Variants in CMIP observed in about 807,000 individuals in gnomAD.
CMIP encodes c-Maf inducing protein, also known as C-Maf-inducing protein.
Under a neutral mutation model 97.3 loss-of-function variants are expected in CMIP, and 13 were observed. The observed-to-expected ratio is 0.13, with a 90% CI of 0.09 to 0.21. The LOEUF is 0.21. Among genes scored for constraint, CMIP ranks in the 10% least tolerant of loss-of-function variants. The pLI is 1.00. For missense variants in CMIP, 847 were observed against 1,024.9 expected, an observed-to-expected ratio of 0.83 and a Z score of 2.37; for synonymous variants, 538 against 436.3, an observed-to-expected ratio of 1.23 and a Z score of -2.91.
intron 3 of CMIP, among the ~76,000 whole-genome samples, chr16:81,629,534 C>G (rs1419662401): frequency 6.6e-6 from 1 of 152,212 alleles, no homozygotes; most frequent in East Asian, 1.9e-4. Flanking sequence ...CGTCTAACCC[C>G]GTCTTGGCCA....
At chr16:81,535,563 C>G (rs2090326831) in intron 1 of CMIP, among the ~76,000 whole-genome samples, 1 of 150,812 alleles carries the variant, frequency 6.6e-6, no homozygotes, top group African/African-American at 2.4e-5. Context: ...AGAATGAGAT[C>G]AGACACGTGA....
chr16:81,689,874 G>T (rs1025529511), intron 10 of CMIP, among the ~76,000 whole-genome samples: 1 of 152,130 alleles, frequency 6.6e-6, no homozygotes, highest in Non-Finnish European at 1.5e-5. Flanking sequence ...TCTACATATG[G>T]CTAGCCAGTT....
At chr16:81,708,275 G>T (rs1030561809) in intron 20 of CMIP, among the ~76,000 whole-genome samples, 4 of 152,232 alleles carry the variant, frequency 2.6e-5, no homozygotes, top group Non-Finnish European at 5.9e-5. Flanking sequence ...AGCCCTCAGG[G>T]TGGCGTCTGC....
At position 81,567,165 on chromosome 16, in the gene CMIP, T is replaced by C. The variant is rs565835436; in HGVS notation, c.301-40402T>C. On this transcript the variant is annotated intron_variant, in intron 1 of 20. Transcript: ENST00000537098. ...GATGCTCACTGGGTCTTCGGAGCCATGTGTCCGGCTGGGAGGAATTCCCAC... is the reference window on the plus strand; with the variant it reads ...GATGCTCACTGGGTCTTCGGAGCCACGTGTCCGGCTGGGAGGAATTCCCAC... Among the ~76,000 whole-genome samples, 7 of 152,368 alleles carry C rather than the reference T, an allele frequency of 4.6e-5. No individual in the cohort carries two copies. In the East Asian group the frequency reaches 1.3e-3, roughly 29 times the overall value.
At chr16:81,570,587 C>T (rs2091070277) in intron 1 of CMIP, among the ~76,000 whole-genome samples, 1 of 152,152 alleles carries the variant, frequency 6.6e-6, no homozygotes, top group Non-Finnish European at 1.5e-5. Context: ...TTGAGAGTCT[C>T]CAGACTGATC....
intron 5 of CMIP, among the ~76,000 whole-genome samples, chr16:81,658,645 A>T (rs556620592): frequency 6.6e-6 from 1 of 152,400 alleles, no homozygotes; most frequent in South Asian, 2.1e-4. Context: ...GTGCAAGAGC[A>T]CAAAGATTTA....
In CMIP at chr16:81,606,335, C is replaced by T. The variant is rs563209817; in HGVS notation, c.301-1232C>T. Among the ~76,000 whole-genome samples the T allele has an allele frequency of 2.6e-4, 39 of 152,278 alleles. No homozygotes were observed. The East Asian group carries it at 7.3e-3, about 29-fold the overall frequency. On this transcript the variant is annotated intron_variant, in intron 1 of 20. Coordinates refer to ENST00000537098, the MANE Select transcript of CMIP (RefSeq NM_198390.3). ...GTGAGGATTAAATGATTGCCATGTG[C>T]CCAGGGTGCATGGGAGAGCCAGGGA...
intron 1 of CMIP, among the ~76,000 whole-genome samples, chr16:81,517,090 C>T (rs1229756858): frequency 6.6e-6 from 1 of 151,796 alleles, no homozygotes; most frequent in African/African-American, 2.4e-5. Context: ...TCAAGGTCAT[C>T]AGTGGAAAAC....
intron 1 of CMIP, among the ~76,000 whole-genome samples, chr16:81,460,784 T>C (rs1161871366): frequency 6.6e-6 from 1 of 152,170 alleles, no homozygotes; most frequent in African/African-American, 2.4e-5. Context: ...AAGAATCTCT[T>C]GCACTTGGAC....
chr16:81,560,191 GGTTTT>G (rs1181704018), intron 1 of CMIP, among the ~76,000 whole-genome samples: 27 of 138,632 alleles, frequency 1.9e-4, no homozygotes, highest in Admixed American at 7.3e-4. Flanking sequence ...GTGTTTTTTT[GGTTTT>G]GTTTTGTTTT....
intron 1 of CMIP, among the ~76,000 whole-genome samples, chr16:81,516,633 C>T (rs1361969452): frequency 6.6e-6 from 1 of 152,178 alleles, no homozygotes; most frequent in African/African-American, 2.4e-5. Flanking sequence ...GGCACTTGTG[C>T]GTCACTGCTG....
chr16:81,494,703 G>A (rs1035981354), intron 1 of CMIP, among the ~76,000 whole-genome samples: 1 of 152,204 alleles, frequency 6.6e-6, no homozygotes, highest in Non-Finnish European at 1.5e-5. Flanking sequence ...CTCAGGTCAG[G>A]CCAACTGCAA....
intron 1 of CMIP, among the ~76,000 whole-genome samples, chr16:81,508,041 C>G (rs2089742687): frequency 6.6e-6 from 1 of 152,230 alleles, no homozygotes; most frequent in African/African-American, 2.4e-5. Flanking sequence ...ACGGAGGAAT[C>G]AGAGATGATT....
intron 1 of CMIP, among the ~76,000 whole-genome samples, chr16:81,577,162 C>T (rs1305297359): frequency 4.8e-5 from 7 of 146,578 alleles, no homozygotes; most frequent in African/African-American, 1.6e-4. Flanking sequence ...CCCATTACCA[C>T]TACATTATTA....
chr16:81,550,755 T>C (rs1597545931), intron 1 of CMIP, among the ~76,000 whole-genome samples: 1 of 152,018 alleles, frequency 6.6e-6, no homozygotes, highest in Non-Finnish European at 1.5e-5. Flanking sequence ...CATTCTGAAG[T>C]GATGCCTGGT....
chr16:81,644,074 A>G (rs774849805), intron 3 of CMIP, among the ~76,000 whole-genome samples: 22 of 152,226 alleles, frequency 1.4e-4, no homozygotes, highest in African/African-American at 5.3e-4. Flanking sequence ...CGTTGACCCT[A>G]TAGCCCTGAC....
chr16:81,491,882 C>G (rs1389675290), intron 1 of CMIP, among the ~76,000 whole-genome samples: 1 of 152,212 alleles, frequency 6.6e-6, no homozygotes, highest in Non-Finnish European at 1.5e-5. Context: ...ATTTTCTCCT[C>G]TACCGTCATC....
intron 1 of CMIP, among the ~76,000 whole-genome samples, chr16:81,553,381 A>G (rs1290589387): frequency 3.3e-5 from 5 of 152,216 alleles, no homozygotes; most frequent in Non-Finnish European, 4.4e-5. Flanking sequence ...AGTTGAAAGC[A>G]GGACTGGGCA....
At chr16:81,577,242 C>G (rs13333236) in intron 1 of CMIP, among the ~76,000 whole-genome samples, 1 of 150,688 alleles carries the variant, frequency 6.6e-6, no homozygotes. Context: ...CCCATTACCA[C>G]TACATTATTA....
Sources: allele counts gnomAD v4.1 joint callset (sites outside exome capture counted in the v4.1 genomes callset), GRCh38; gene constraint gnomAD v4.1.1; transcripts MANE v1.5; gene names NCBI Gene and HGNC (gene_info 2026-07-23, HGNC 2026-07-21).